The following CLCA1 variants were observed in gnomAD, a reference collection of about 807,000 sequenced individuals.
CLCA1 encodes chloride channel accessory 1, also known as calcium-activated chloride channel regulator 1.
A neutral mutation model predicts 85.6 loss-of-function variants in CLCA1; 59 were observed. The observed-to-expected ratio is 0.69, with a 90% CI of 0.56 to 0.86. The LOEUF is 0.86. Ranked by LOEUF, CLCA1 falls within the 40% of genes least tolerant of loss-of-function variation. CLCA1 has a pLI of 0.00. For synonymous variants in CLCA1, 396 were observed against 398.3 expected, an observed-to-expected ratio of 0.99 and a Z score of 0.07; for missense variants, 1,022 against 1,101.4, an observed-to-expected ratio of 0.93 and a Z score of 1.02.
At chr1:86,479,928 A>G (rs1398233970) in intron 4 of CLCA1, among the ~76,000 whole-genome samples, 1 of 152,202 alleles carries the variant, frequency 6.6e-6, no homozygotes, top group Non-Finnish European at 1.5e-5. Flanking sequence ...GGCAGACATT[A>G]CACATATGAT....
chr1:86,486,498 C>T, intron 6 of CLCA1, 28 bp from the exon 7 acceptor site: 1 of 1,601,298 alleles, frequency 6.2e-7, no homozygotes, highest in Non-Finnish European at 8.6e-7. Context: ...CTAAACGTAA[C>T]CTGTTTTTCT....
Position 86,494,639 on chromosome 1 carries a change from C to T in CLCA1, c.1942+191C>T, listed in dbSNP as rs560946892. Among the ~76,000 whole-genome samples the T allele has an allele frequency of 9.2e-5, 14 of 152,322 alleles. No individual in the cohort carries two copies. In the South Asian group the frequency reaches 2.7e-3, roughly 29 times the overall value. ...ATGCTGGAAAACATGAGGGCTTCTG[C>T]AAGGCCCAAAACACATTAACAGCTC... is the stretch of plus-strand genomic sequence containing the variant. On this transcript the variant is annotated intron_variant, in intron 11 of 13. Coordinates refer to ENST00000394711, the MANE Select transcript of CLCA1 (RefSeq NM_001285.4).
In CLCA1 at chr1:86,495,542, GT is replaced by G. The variant is rs1206646142; in HGVS notation, c.1981del (p.Tyr661IlefsTer13). On this transcript the variant is annotated frameshift_variant, in exon 12 of 14. Coordinates refer to ENST00000394711, the MANE Select transcript of CLCA1 (RefSeq NM_001285.4). LOFTEE classifies it high-confidence loss of function. ...CTAAGGATGACGGTGTCTACTCAAG[GT>G]ATTTCACAACTTATGACACGAATGG... ...ATKDDGVYSR[Y>X]FTTYDTNGRY... is the part of the protein sequence containing the mutation. The G allele has an allele frequency of 3.1e-6, 5 of 1,613,860 alleles. No individual in the cohort carries two copies. The highest frequency in any genetic ancestry group is 4.2e-6 in the Non-Finnish European group (5 of 1,179,908).
Position 86,489,256 on chromosome 1 carries a change from G to A in CLCA1, c.1357+86G>A, listed in dbSNP as rs374675534. ...TGAACTGGGGAGTGGGGGAAAGATG[G>A]GATGGAGAGAGATAGGATAACCTAA... On this transcript the variant is annotated intron_variant, in intron 8 of 13. Coordinates refer to ENST00000394711, the MANE Select transcript of CLCA1 (RefSeq NM_001285.4). The A allele has an allele frequency of 2.5e-5, 33 of 1,300,900 alleles. No individual in the cohort carries two copies. The African/African-American group carries it at 3.1e-4, about 12-fold the overall frequency. 80.6% of individuals were successfully genotyped at this position (1,300,900 alleles called of 1,614,324 possible).
chr1:86,478,027 A>G (rs948684674), intron 4 of CLCA1, among the ~76,000 whole-genome samples: 1 of 152,144 alleles, frequency 6.6e-6, no homozygotes, highest in Non-Finnish European at 1.5e-5. Context: ...CTCGCACAGG[A>G]CCATTACTGC....
At chr1:86,488,352 A>T (rs954458432) in intron 7 of CLCA1, among the ~76,000 whole-genome samples, 1 of 152,208 alleles carries the variant, frequency 6.6e-6, no homozygotes, top group Admixed American at 6.5e-5. Context: ...CAGAAGGAGT[A>T]TCCTGTCTAT....
chr1:86,487,108 C>T (rs1046977472), intron 7 of CLCA1, among the ~76,000 whole-genome samples: 1 of 152,200 alleles, frequency 6.6e-6, no homozygotes, highest in African/African-American at 2.4e-5. Context: ...ACCATTTCCT[C>T]AAGTGCTTTC....
chr1:86,497,938 T>C (rs921109276), intron 12 of CLCA1, among the ~76,000 whole-genome samples: 1 of 151,486 alleles, frequency 6.6e-6, no homozygotes, highest in Admixed American at 6.6e-5. Context: ...AGGTTAGGAG[T>C]TCGAGACCAG....
In CLCA1 at chr1:86,499,719, C is replaced by G. The variant is rs200542729; in HGVS notation, c.2419C>G (p.Leu807Val). Residue 807 changes from leucine to valine, a missense_variant, in exon 14 of 14, where the codon CTT (leucine) becomes GTT (valine). Physicochemically the swap from Leu to Val is conservative, Grantham distance 32. Transcript: ENST00000394711. The stretch of plus-strand genomic sequence containing the variant: ...TCTCAGAGACAAGTTCAATGAATCT[C>G]TTCAAGTGAATACTACTGCTCTCAT... ...LDLRDKFNES[L>V]QVNTTALIPK... 16 of 1,605,094 alleles carry G rather than the reference C, an allele frequency of 1.0e-5. No homozygotes were observed. Among genetic ancestry groups the G allele is most frequent in the Non-Finnish European group, 1.2e-5 (14 of 1,172,016 alleles).
At chr1:86,485,313 T>A (rs770505478) in intron 5 of CLCA1, 30 bp from the exon 6 acceptor site, 6 of 1,500,938 alleles carry the variant, frequency 4.0e-6, no homozygotes, top group African/African-American at 1.4e-5. Context: ...TAGTTTACCA[T>A]TATCTATATA....
chr1:86,473,768 G>A lies in CLCA1; in HGVS notation c.343G>A (p.Asp115Asn). Residue 115 changes from aspartate to asparagine, a missense_variant, in exon 3 of 14, where the codon GAT (aspartate) becomes AAT (asparagine). By Grantham distance (23) the Asp-to-Asn change is conservative. Coordinates refer to ENST00000394711, the MANE Select transcript of CLCA1 (RefSeq NM_001285.4). The stretch of plus-strand genomic sequence containing the variant: ...TGCTGAGTCTACTCCTCCAGGTAAT[G>A]ATGAACCCTACACTGAGCAGATGGG... Reference protein sequence around the residue: ...LVAESTPPGNDEPYTEQMGNC... With the variant: ...LVAESTPPGNNEPYTEQMGNC... 1.2e-6 allele frequency: 2 copies of A among 1,603,418 alleles called. No homozygotes were observed. Among genetic ancestry groups the A allele is most frequent in the African/African-American group, 1.3e-5 (1 of 74,608 alleles).
In CLCA1 at chr1:86,469,017, C is replaced by G; in HGVS notation, c.46C>G (p.Leu16Val). The change falls in exon 1 of 14, where the codon CTA becomes GTA. Residue 16 changes from leucine to valine, a missense_variant. Physicochemically the swap from Leu to Val is conservative, Grantham distance 32. Transcript: ENST00000394711. ...TGTGTTCATCTTGATTCTTCACCTT[C>G]TAGAAGGGGCCCTGAGTAATTCACT... is the stretch of plus-strand genomic sequence containing the variant. ...SSVFILILHL[L>V]EGALSNSLIQ... is the part of the protein sequence containing the mutation. 3 of 1,613,164 alleles carry G rather than the reference C, an allele frequency of 1.9e-6. No individual in the cohort carries two copies. In the African/African-American group the frequency reaches 4.0e-5, roughly 22 times the overall value.
rs571475234 is a variant in CLCA1, at chr1:86,493,613, T to C, written c.1680+14T>C. 141 of 1,578,016 alleles carry C rather than the reference T, an allele frequency of 8.9e-5. 1 individual carries two copies. The African/African-American group carries it at 1.6e-3, about 18-fold the overall frequency. On this transcript the variant is annotated intron_variant, in intron 10 of 13. Coordinates refer to ENST00000394711, the MANE Select transcript of CLCA1 (RefSeq NM_001285.4). ...GGCATTGCTAAGGTATGGAGTCAGC[T>C]TTTTTTCTTTCTCATAATTCAACAA... is the stretch of plus-strand genomic sequence containing the variant.
chr1:86,486,607 A>T lies in CLCA1; in HGVS notation c.1036A>T (p.Met346Leu). The part of the protein sequence containing the change: ...QTVELGSWVG[M>L]VTFDSAAHVQ... ...AGTTGAGCTGGGGTCCTGGGTTGGG[A>T]TGGTGACATTTGACAGTGCTGCCCA... Residue 346 changes from methionine to leucine, a missense_variant, in exon 7 of 14, where the codon ATG becomes TTG. Coordinates refer to ENST00000394711, the MANE Select transcript of CLCA1 (RefSeq NM_001285.4). 4 of 1,614,162 alleles carry T rather than the reference A, an allele frequency of 2.5e-6. No homozygotes were observed. The highest frequency in any genetic ancestry group is 2.5e-6 in the Non-Finnish European group (3 of 1,180,036).
intron 11 of CLCA1, 65 bp from the exon 12 acceptor site, chr1:86,495,440 T>G (rs1648250484): frequency 1.5e-6 from 2 of 1,310,716 alleles, no homozygotes; most frequent in Admixed American, 1.9e-5. Flanking sequence ...AGCCTACATA[T>G]GAGTTGGAAA....
chr1:86,499,645 T>C lies in CLCA1; in HGVS notation c.2354-9T>C, dbSNP rs1366503011. On this transcript the variant is annotated splice_polypyrimidine_tract_variant and intron_variant, in intron 13 of 13. Transcript: ENST00000394711. ...GAATTAAAGTCACATTCTTCTTTTT[T>C]CTTTTTAGCTCACAAGTATATCATT... is the stretch of plus-strand genomic sequence containing the variant. 2.6e-6 allele frequency: 4 copies of C among 1,511,576 alleles called. No individual in the cohort carries two copies. The highest frequency in any genetic ancestry group is 3.6e-6 in the Non-Finnish European group (4 of 1,114,712). The allele number at this position is 1,511,576 out of a possible 1,614,324, so 93.6% of individuals were successfully genotyped here. A position where few individuals can be genotyped will look rare whatever the true frequency, so the allele number is the denominator to read the frequency against.
rs763803155 is a variant in CLCA1 at position 86,476,526 on chromosome 1, T to C, written c.530T>C (p.Leu177Ser). The C allele has an allele frequency of 5.0e-6, 8 of 1,584,418 alleles. No individual in the cohort carries two copies. In the African/African-American group the frequency reaches 9.4e-5, roughly 19 times the overall value. ...TACAATAATGATGAGAAATTCTACTTATCCAATGGAAGAATACAAGCAGTA... is the reference window on the plus strand; with the variant it reads ...TACAATAATGATGAGAAATTCTACTCATCCAATGGAAGAATACAAGCAGTA... The part of the protein sequence containing the change: ...DEYNNDEKFY[L>S]SNGRIQAVRC... Residue 177 changes from leucine (L) to serine (S), a missense_variant, in exon 4 of 14, where the codon TTA becomes TCA. Physicochemically the swap from Leu to Ser is moderately radical, Grantham distance 145. Transcript: ENST00000394711.
chr1:86,489,164 A>G lies in CLCA1; in HGVS notation c.1351A>G (p.Met451Val). 2.5e-6 allele frequency: 4 copies of G among 1,613,670 alleles called. No homozygotes were observed. The highest frequency in any genetic ancestry group is 2.5e-6 in the Non-Finnish European group (3 of 1,179,776). The stretch of plus-strand genomic sequence containing the variant: ...TCAAGAACTAGAGGAGCTGTCCAAA[A>G]TGACAGGTGAGGGATGATTTGCTGA... ...AAQELEELSK[M>V]TGGLQTYASD... is the part of the protein sequence containing the mutation. The change falls in exon 8 of 14, where the codon ATG (methionine) becomes GTG (valine). Residue 451 changes from methionine to valine, a missense_variant. Transcript: ENST00000394711.
chr1:86,492,843 A>G (rs191451880), intron 9 of CLCA1, among the ~76,000 whole-genome samples: 1 of 152,254 alleles, frequency 6.6e-6, no homozygotes, highest in Non-Finnish European at 1.5e-5. Context: ...TTAAGGGTTC[A>G]TAGTCTAATA....
Sources: gnomAD v4.1 joint callset for allele counts (sites outside exome capture counted in the v4.1 genomes callset) on GRCh38, gnomAD v4.1.1 for gene constraint, MANE v1.5 for transcripts, NCBI Gene and HGNC (gene_info 2026-07-23, HGNC 2026-07-21) for gene names.